The following PIK3CA variants were observed in gnomAD, a reference collection of about 807,000 sequenced individuals.
PIK3CA encodes phosphatidylinositol 4,5-bisphosphate 3-kinase catalytic subunit alpha isoform.
In PIK3CA, 27 loss-of-function variants were observed where a neutral mutation model predicts 138.2. That is an observed-to-expected ratio of 0.20 (90% CI 0.14 to 0.27). The LOEUF is 0.27. Ranked by LOEUF, PIK3CA falls within the 10% of genes least tolerant of loss-of-function variation. PIK3CA has a pLI of 1.00. For missense variants in PIK3CA, 544 were observed against 1,277.4 expected (o/e 0.43, Z 8.75); for synonymous variants, 358 against 413.2 (o/e 0.87, Z 1.62).
chr3:179,160,959 G>A (rs1723263686), intron 1 of PIK3CA, among the ~76,000 whole-genome samples: 1 of 152,240 alleles, frequency 6.6e-6, no homozygotes, highest in African/African-American at 2.4e-5. Context: ...TACATAGTAG[G>A]CAAATTACTA....
At chr3:179,152,744 C>CTG (rs1209018045) in intron 1 of PIK3CA, among the ~76,000 whole-genome samples, 1 of 152,164 alleles carries the variant, frequency 6.6e-6, no homozygotes, top group Non-Finnish European at 1.5e-5. Flanking sequence ...ACTTTGCTGA[C>CTG]TGTTAGCACT....
At chr3:179,168,849 A>G (rs1723481655) in intron 1 of PIK3CA, among the ~76,000 whole-genome samples, 2 of 151,822 alleles carry the variant, frequency 1.3e-5, no homozygotes, top group African/African-American at 4.8e-5. Context: ...TCTCTTCCCT[A>G]TTGATTTGAA....
intron 1 of PIK3CA, among the ~76,000 whole-genome samples, chr3:179,192,829 C>T (rs1209539298): frequency 6.6e-6 from 1 of 152,192 alleles, no homozygotes; most frequent in African/African-American, 2.4e-5. Context: ...CTAATGAAAT[C>T]TAGAAATAGA....
intron 1 of PIK3CA, chr3:179,169,338 A>G (rs1035701604): frequency 2.6e-5 from 4 of 152,008 alleles, no homozygotes; most frequent in Non-Finnish European, 5.9e-5. Context: ...CAAAAATCCT[A>G]TTGGCATTTT....
rs902231921 is a variant in PIK3CA at position 179,239,716 on chromosome 3, G to A, written c.*5352G>A. On this transcript the variant is annotated 3_prime_UTR_variant, in exon 21 of 21. Transcript: ENST00000263967. ...TAACACGTCAGATGTTCACCTGGAA[G>A]CTTTATCAAGAAATTCGAACCACCC... 1.4e-5 allele frequency: 5 copies of A among 355,680 alleles called. No individual in the cohort carries two copies. Among genetic ancestry groups the A allele is most frequent in the African/African-American group, 1.1e-4 (5 of 47,536 alleles). 22.0% of individuals were successfully genotyped at this position (355,680 alleles called of 1,614,324 possible).
chr3:179,149,468 T>C (rs948036238), intron 1 of PIK3CA: 1 of 152,194 alleles, frequency 6.6e-6, no homozygotes, highest in Non-Finnish European at 1.5e-5. Context: ...AATCGAAAGC[T>C]ATTTTTTTAT....
At chr3:179,218,770 T>G (rs1453570678) in intron 10 of PIK3CA, among the ~76,000 whole-genome samples, 1 of 152,038 alleles carries the variant, frequency 6.6e-6, no homozygotes, top group East Asian at 1.9e-4. Flanking sequence ...CGGGTATATT[T>G]AAATAAACCA....
rs1725395070 is a variant in PIK3CA at position 179,239,365 on chromosome 3, T to C, written c.*5001T>C. On this transcript the variant is annotated 3_prime_UTR_variant, in exon 21 of 21. Transcript: ENST00000263967. Reference sequence around the variant, plus strand: ...GCAAGGAGGCAGAAAACCTTCATTGTTTCATATTAAAATATAATTAGACTA... The same window carrying C: ...GCAAGGAGGCAGAAAACCTTCATTGCTTCATATTAAAATATAATTAGACTA... 1 of 198,442 alleles carries C rather than the reference T, an allele frequency of 5.0e-6. No homozygotes were observed. The highest frequency in any genetic ancestry group is 2.3e-5 in the African/African-American group (1 of 43,396). The allele number at this position is 198,442 out of a possible 1,614,324, so 12.3% of individuals were successfully genotyped here.
intron 1 of PIK3CA, among the ~76,000 whole-genome samples, chr3:179,148,848 C>T (rs1158500646): frequency 1.3e-5 from 2 of 152,312 alleles, no homozygotes; most frequent in East Asian, 3.9e-4. Flanking sequence ...TGCCGCCTCG[C>T]TCTTCCTTTG....
rs1323990498 is a variant in PIK3CA, at chr3:179,156,030, GT to G, written c.-77+7434del. Among the ~76,000 whole-genome samples the G allele has an allele frequency of 2.0e-5, 3 of 152,120 alleles. No homozygotes were observed. In the East Asian group the frequency reaches 5.8e-4, roughly 29 times the overall value. On this transcript the variant is annotated intron_variant, in intron 1 of 20. Coordinates refer to ENST00000263967, the MANE Select transcript of PIK3CA (RefSeq NM_006218.4). ...TGAGATTCCTAGTATGTTAAAGCCT[GT>G]TTTTTTATTTCAGGGAAGAGTAAGT...
chr3:179,156,661 T>G (rs1340208252), intron 1 of PIK3CA, among the ~76,000 whole-genome samples: 3 of 152,244 alleles, frequency 2.0e-5, no homozygotes, highest in Non-Finnish European at 4.4e-5. Context: ...TTTTTTTCTG[T>G]TAATATTCAA....
At chr3:179,185,190 C>T (rs1014218522) in intron 1 of PIK3CA, among the ~76,000 whole-genome samples, 1 of 152,148 alleles carries the variant, frequency 6.6e-6, no homozygotes, top group Non-Finnish European at 1.5e-5. Flanking sequence ...AACATAAAAA[C>T]AAAAGAGCAG....
intron 4 of PIK3CA, among the ~76,000 whole-genome samples, chr3:179,201,968 T>C (rs1437125177): frequency 1.3e-5 from 2 of 152,266 alleles, no homozygotes; most frequent in Admixed American, 6.5e-5. Flanking sequence ...TTTGTAAGCT[T>C]ATTCTTTTAA....
chr3:179,159,545 A>G (rs1723224184), intron 1 of PIK3CA, among the ~76,000 whole-genome samples: 1 of 152,198 alleles, frequency 6.6e-6, no homozygotes, highest in Non-Finnish European at 1.5e-5. Flanking sequence ...CTTCTGATAC[A>G]TGTGTAATCA....
chr3:179,156,824 C>A (rs1005052625), intron 1 of PIK3CA, among the ~76,000 whole-genome samples: 4 of 152,104 alleles, frequency 2.6e-5, no homozygotes, highest in Non-Finnish European at 5.9e-5. Context: ...TTTCCAAGTT[C>A]TTTTTCCTGA....
rs77078137 is a variant in PIK3CA, at chr3:179,161,752, G to A, written c.-77+13149G>A. On this transcript the variant is annotated intron_variant, in intron 1 of 20. Transcript: ENST00000263967. ...AAGTCCAGTGGTCACAGGACCAGAT[G>A]TTTTGAGATGCTTGTAATTCCAAAT... is the stretch of plus-strand genomic sequence containing the variant. 1.4e-3 allele frequency among the ~76,000 whole-genome samples: 214 copies of A among 152,290 alleles called. 1 individual carries two copies. Among genetic ancestry groups the A allele is most frequent in the African/African-American group, 4.9e-3 (203 of 41,566 alleles).
chr3:179,155,476 G>A (rs1289130952), intron 1 of PIK3CA, among the ~76,000 whole-genome samples: 2 of 152,006 alleles, frequency 1.3e-5, no homozygotes, highest in African/African-American at 4.8e-5. Flanking sequence ...ACTTACCATG[G>A]ATTGAAAATA....
chr3:179,154,050 A>G (rs1319979008), intron 1 of PIK3CA, among the ~76,000 whole-genome samples: 5 of 152,142 alleles, frequency 3.3e-5, no homozygotes, highest in Non-Finnish European at 1.5e-5. Context: ...TTCCCTCTCT[A>G]CCTATACAGT....
At chr3:179,178,911 C>G (rs1442730392) in intron 1 of PIK3CA, among the ~76,000 whole-genome samples, 1 of 152,220 alleles carries the variant, frequency 6.6e-6, no homozygotes, top group East Asian at 1.9e-4. Context: ...GTGCCCAGGG[C>G]TTTTACCGGG....
Sources: allele counts gnomAD v4.1 joint callset (sites outside exome capture counted in the v4.1 genomes callset), GRCh38; gene constraint gnomAD v4.1.1; transcripts MANE v1.5; gene names NCBI Gene and HGNC (gene_info 2026-07-23, HGNC 2026-07-21).